PCSK5: variants seen among roughly 807,000 people sequenced by gnomAD.
PCSK5 encodes prohormone convertase 5.
A neutral mutation model predicts 233.2 loss-of-function variants in PCSK5; 129 were observed. That is an observed-to-expected ratio of 0.55 (90% confidence interval 0.48 to 0.64). PCSK5 has a LOEUF of 0.64. Ranked by LOEUF, PCSK5 falls within the 30% of genes least tolerant of loss-of-function variation. PCSK5 has a pLI of 0.00. For missense variants in PCSK5, 2,076 were observed against 2,430.1 expected, an observed-to-expected ratio of 0.85 and a Z score of 3.06; for synonymous variants, 825 against 879.2, an observed-to-expected ratio of 0.94 and a Z score of 1.09.
intron 24 of PCSK5, among the ~76,000 whole-genome samples, chr9:76,284,274 A>C (rs749502474): frequency 6.6e-6 from 1 of 152,168 alleles, no homozygotes; most frequent in Non-Finnish European, 1.5e-5. Flanking sequence ...TGTAGCTCCC[A>C]TAATCCCCAC....
chr9:75,907,255 TG>T (rs575581900), intron 1 of PCSK5, among the ~76,000 whole-genome samples: 262 of 152,330 alleles, frequency 1.7e-3, no homozygotes, highest in African/African-American at 6.2e-3. Flanking sequence ...AGTGTCTCAC[TG>T]TGTATACTTA....
intron 14 of PCSK5, chr9:76,175,393 GTA>G: frequency 4.0e-6 from 2 of 494,966 alleles, no homozygotes; most frequent in Non-Finnish European, 3.5e-6. Context: ...ATTTGTGTGT[GTA>G]TATCAGTGCA....
chr9:75,970,212 T>G (rs571742422), intron 2 of PCSK5, among the ~76,000 whole-genome samples: 1 of 152,170 alleles, frequency 6.6e-6, no homozygotes, highest in South Asian at 2.1e-4. Flanking sequence ...TCACACCTTC[T>G]TTTGCCTCAT....
chr9:76,060,282 A>G (rs1355640639), intron 5 of PCSK5, among the ~76,000 whole-genome samples: 1 of 152,208 alleles, frequency 6.6e-6, no homozygotes, highest in Admixed American at 6.5e-5. Flanking sequence ...AATAAAAATA[A>G]AAAACCAATT....
intron 5 of PCSK5, among the ~76,000 whole-genome samples, chr9:76,037,089 A>G (rs982066698): frequency 1.3e-5 from 2 of 152,244 alleles, no homozygotes; most frequent in African/African-American, 4.8e-5. Flanking sequence ...TTGACTCCAC[A>G]GTGGTATTCA....
chr9:76,106,915 C>T (rs1002231245), intron 8 of PCSK5, among the ~76,000 whole-genome samples: 2 of 152,178 alleles, frequency 1.3e-5, no homozygotes, highest in African/African-American at 4.8e-5. Context: ...TCAGTTTTAA[C>T]CAGAACTGGC....
intron 10 of PCSK5, among the ~76,000 whole-genome samples, chr9:76,155,394 TA>T (rs1823848458): frequency 6.6e-6 from 1 of 152,232 alleles, no homozygotes; most frequent in African/African-American, 2.4e-5. Flanking sequence ...TTTTATATAC[TA>T]TAGTTTATTT....
intron 20 of PCSK5, among the ~76,000 whole-genome samples, chr9:76,208,169 T>C (rs1221241337): frequency 6.6e-6 from 1 of 152,174 alleles, no homozygotes; most frequent in Non-Finnish European, 1.5e-5. Context: ...CTCCTCTTGA[T>C]ACTGTCATAA....
chr9:75,958,454 G>A lies in PCSK5; in HGVS notation c.297+25971G>A, dbSNP rs1316719497. 3.3e-5 allele frequency among the ~76,000 whole-genome samples: 5 copies of A among 152,168 alleles called. No homozygotes were observed. In the East Asian group the frequency reaches 9.6e-4, roughly 29 times the overall value. ...ACCTGACTATAAAAAACAGATGGAA[G>A]GAATTCTGTTTTCTGAGTACCCATG... On this transcript the variant is annotated intron_variant, in intron 2 of 37. Transcript: ENST00000674117.
At chr9:76,076,939 T>C (rs567527088) in intron 7 of PCSK5, among the ~76,000 whole-genome samples, 2 of 152,262 alleles carry the variant, frequency 1.3e-5, no homozygotes, top group South Asian at 4.1e-4. Context: ...ATATTTAACA[T>C]TTTACCCAGT....
At chr9:76,010,118 A>G (rs745573546) in intron 3 of PCSK5, among the ~76,000 whole-genome samples, 4 of 152,192 alleles carry the variant, frequency 2.6e-5, no homozygotes, top group Non-Finnish European at 5.9e-5. Flanking sequence ...GATGAGGGAT[A>G]TCATACAAGG....
chr9:76,309,410 T>C (rs1828796586), intron 29 of PCSK5, among the ~76,000 whole-genome samples: 1 of 152,188 alleles, frequency 6.6e-6, no homozygotes, highest in African/African-American at 2.4e-5. Flanking sequence ...AATGTTTAAG[T>C]GGGCTGGGCA....
Position 76,115,217 on chromosome 9 carries a change from G to A in PCSK5, c.1208+7866G>A, listed in dbSNP as rs369912196. Among the ~76,000 whole-genome samples the A allele has an allele frequency of 4.9e-4, 74 of 152,148 alleles. No individual in the cohort carries two copies. The South Asian group carries it at 0.012, about 25-fold the overall frequency. On this transcript the variant is annotated intron_variant, in intron 9 of 37. Coordinates refer to ENST00000674117, the MANE Select transcript of PCSK5 (RefSeq NM_001372043.1). ...TCTGGGCCTACAGATTTTGCACCAA[G>A]ACCTGTAGCAAATTTCTCTGGCAAT... is the stretch of plus-strand genomic sequence containing the variant.
At chr9:76,093,462 C>T (rs1024218068) in intron 7 of PCSK5, among the ~76,000 whole-genome samples, 1 of 151,932 alleles carries the variant, frequency 6.6e-6, no homozygotes, top group Non-Finnish European at 1.5e-5. Flanking sequence ...ACTACATTAT[C>T]ACAAAAATGC....
intron 35 of PCSK5, among the ~76,000 whole-genome samples, chr9:76,345,701 C>T (rs4436188): frequency 6.6e-6 from 1 of 151,890 alleles, no homozygotes; most frequent in Admixed American, 6.6e-5. Context: ...GGATTACAGA[C>T]GTGAGCCACC....
rs373337476 is a variant in PCSK5, at chr9:76,338,428, G to C, written c.4947G>C (p.Pro1649=). The change falls in exon 35 of 38, where the codon CCG becomes CCC. Residue 1649 remains proline (P), a synonymous_variant. Transcript: ENST00000674117. ...QSTQTCERCH[P]TCDQCKGKGA... is the part of the protein sequence containing the mutation. ...CACAGACCTGTGAGAGATGCCATCC[G>C]ACTTGTGATCAATGCAAAGGTGAGA... The C allele has an allele frequency of 1.2e-6, 2 of 1,611,272 alleles. No individual in the cohort carries two copies. The highest frequency in any genetic ancestry group is 2.2e-5 in the South Asian group (2 of 91,004).
rs757550088 is a variant in PCSK5, at chr9:76,040,325, GTCTCTCTCTCTCTCTCTC to G, written c.632+13330_632+13347del. Reference sequence around the variant, plus strand: ...TCTCACTCCCTTAGATGTGTTCTCTGTCTCTCTCTCTCTCTCTCTCTCTCTCTCTCTCTCTCTCTCTCT... The same window carrying G: ...TCTCACTCCCTTAGATGTGTTCTCTGTCTCTCTCTCTCTCTCTCTCTCTCT... On this transcript the variant is annotated intron_variant, in intron 5 of 37. Coordinates refer to ENST00000674117, the MANE Select transcript of PCSK5 (RefSeq NM_001372043.1). Among the ~76,000 whole-genome samples the G allele has an allele frequency of 4.4e-3, 348 of 79,042 alleles. 4 individuals carry two copies. The highest frequency in any genetic ancestry group is 0.032 in the South Asian group (65 of 2,046). The allele number at this position is 79,042 out of a possible 152,430, so 51.9% of individuals were successfully genotyped here.
intron 28 of PCSK5, among the ~76,000 whole-genome samples, chr9:76,307,228 G>C (rs374753575): frequency 7.2e-5 from 11 of 152,172 alleles, no homozygotes; most frequent in African/African-American, 2.4e-4. Flanking sequence ...GGATCTGAAG[G>C]CAGGTGTGAC....
chr9:76,032,030 T>G (rs981613863), intron 5 of PCSK5, among the ~76,000 whole-genome samples: 6 of 152,190 alleles, frequency 3.9e-5, no homozygotes, highest in Admixed American at 2.6e-4. Context: ...GCTGTGGCTC[T>G]TTTCCGTCTA....
Sources: allele counts gnomAD v4.1 joint callset (sites outside exome capture counted in the v4.1 genomes callset), GRCh38; gene constraint gnomAD v4.1.1; transcripts MANE v1.5; gene names NCBI Gene and HGNC (gene_info 2026-07-23, HGNC 2026-07-21).